The following TBC1D5 variants were observed in gnomAD, a reference collection of about 807,000 sequenced individuals.
TBC1D5 encodes the protein TBC1 domain family, member 5.
A neutral mutation model predicts 100.3 loss-of-function variants in TBC1D5; 75 were observed. The observed-to-expected ratio is 0.75, with a 90% CI of 0.62 to 0.91. TBC1D5 has a LOEUF of 0.91. TBC1D5 is among the 40% of genes least tolerant of loss of function. The pLI, the probability that TBC1D5 is intolerant of heterozygous loss-of-function variation, is 0.00. For synonymous variants in TBC1D5, 323 were observed against 325.6 expected (o/e 0.99, Z 0.09); for missense variants, 910 against 942.4 (o/e 0.97, Z 0.45).
intron 9 of TBC1D5, among the ~76,000 whole-genome samples, chr3:17,380,379 T>G (rs747394851): frequency 1.3e-5 from 2 of 152,046 alleles, no homozygotes; most frequent in Non-Finnish European, 2.9e-5. Context: ...TTGAGATTTT[T>G]GGTTTTGCTA....
chr3:17,373,165 A>G (rs901330558), intron 12 of TBC1D5, among the ~76,000 whole-genome samples: 1 of 152,196 alleles, frequency 6.6e-6, no homozygotes, highest in Non-Finnish European at 1.5e-5. Flanking sequence ...CTCTTAACTC[A>G]TAAGATGTAT....
chr3:17,639,227 G>A (rs544113422), intron 1 of TBC1D5, among the ~76,000 whole-genome samples: 1 of 152,162 alleles, frequency 6.6e-6, no homozygotes, highest in Admixed American at 6.5e-5. Flanking sequence ...CTACAAAATA[G>A]ACAAACTTCA....
intron 1 of TBC1D5, among the ~76,000 whole-genome samples, chr3:17,683,913 A>C (rs1439042352): frequency 6.6e-6 from 1 of 152,154 alleles, no homozygotes; most frequent in Non-Finnish European, 1.5e-5. Flanking sequence ...AGTCCTAAAA[A>C]GTTATTTTGA....
chr3:17,662,151 C>G (rs1190743935), intron 1 of TBC1D5, among the ~76,000 whole-genome samples: 2 of 152,156 alleles, frequency 1.3e-5, no homozygotes, highest in Non-Finnish European at 2.9e-5. Context: ...CCTTGGCATC[C>G]CAAAGCACTG....
At chr3:17,541,448 G>A (rs1319355206) in intron 2 of TBC1D5, among the ~76,000 whole-genome samples, 1 of 151,740 alleles carries the variant, frequency 6.6e-6, no homozygotes, top group African/African-American at 2.4e-5. Flanking sequence ...TTTTTTTGAT[G>A]CTATTGTAAA....
chr3:17,573,457 A>G (rs1474555075), intron 2 of TBC1D5, among the ~76,000 whole-genome samples: 1 of 152,074 alleles, frequency 6.6e-6, no homozygotes, highest in East Asian at 1.9e-4. Flanking sequence ...TAGCACTGCA[A>G]TTTGAAACTA....
exon 6 of TBC1D5, chr3:17,404,892 A>G (rs1234149497): frequency 1.3e-6 from 2 of 1,597,296 alleles, no homozygotes; most frequent in Admixed American, 1.7e-5. Flanking sequence ...ATGTTGCTAT[A>G]CCATGCTCTT....
chr3:17,537,471 GT>G (rs1260850177), intron 2 of TBC1D5, among the ~76,000 whole-genome samples: 1 of 152,126 alleles, frequency 6.6e-6, no homozygotes, highest in Non-Finnish European at 1.5e-5. Context: ...CCTGAGGCCA[GT>G]TTTTCTTGGC....
At chr3:17,485,370 C>T (rs1376581967) in intron 3 of TBC1D5, among the ~76,000 whole-genome samples, 5 of 151,078 alleles carry the variant, frequency 3.3e-5, no homozygotes, top group Admixed American at 3.3e-4. Context: ...TTTTAGGGTA[C>T]ATGTGCACAA....
intron 17 of TBC1D5, among the ~76,000 whole-genome samples, chr3:17,216,302 T>C (rs1163847115): frequency 6.6e-6 from 1 of 152,140 alleles, no homozygotes; most frequent in African/African-American, 2.4e-5. Context: ...ATAAATGGTC[T>C]ACCCATTTCC....
At chr3:17,573,165 C>G (rs1202903703) in intron 2 of TBC1D5, among the ~76,000 whole-genome samples, 3 of 152,018 alleles carry the variant, frequency 2.0e-5, no homozygotes, top group African/African-American at 7.2e-5. Context: ...CTTGTATTCT[C>G]TTGTAGGGAT....
intron 16 of TBC1D5, among the ~76,000 whole-genome samples, chr3:17,239,311 C>T (rs2076122430): frequency 6.6e-6 from 1 of 152,172 alleles, no homozygotes; most frequent in Non-Finnish European, 1.5e-5. Context: ...TTTCCTCTGA[C>T]TTTCAGAGGT....
intron 3 of TBC1D5, among the ~76,000 whole-genome samples, chr3:17,435,265 AT>A (rs200718615): frequency 0.016 from 2,507 of 152,216 alleles, 52 homozygotes; most frequent in South Asian, 0.047. Flanking sequence ...TCTCTTCCAC[AT>A]TTTTGGGTAT....
intron 3 of TBC1D5, among the ~76,000 whole-genome samples, chr3:17,436,816 T>C (rs1409891406): frequency 6.6e-6 from 1 of 152,178 alleles, no homozygotes; most frequent in Admixed American, 6.5e-5. Context: ...ATTACACATA[T>C]AGCAATAACA....
intron 3 of TBC1D5, among the ~76,000 whole-genome samples, chr3:17,429,699 T>C (rs1273943024): frequency 2.0e-5 from 3 of 151,954 alleles, no homozygotes; most frequent in African/African-American, 7.2e-5. Flanking sequence ...ATAATTATGC[T>C]ACTCATTAAA....
chr3:17,557,202 T>A (rs984127690), intron 2 of TBC1D5, among the ~76,000 whole-genome samples: 1 of 152,110 alleles, frequency 6.6e-6, no homozygotes, highest in Non-Finnish European at 1.5e-5. Context: ...TAATAAAAAT[T>A]AAGAAATTTT....
intron 18 of TBC1D5, among the ~76,000 whole-genome samples, chr3:17,196,113 C>T (rs890658455): frequency 1.3e-5 from 2 of 152,180 alleles, no homozygotes; most frequent in Non-Finnish European, 2.9e-5. Context: ...ACAGAAGATA[C>T]AGTGACAAGC....
rs180813255 is a variant in TBC1D5, at chr3:17,279,656, G to T, written c.1245+12239C>A. Among the ~76,000 whole-genome samples, 455 of 152,136 alleles carry T rather than the reference G, an allele frequency of 3.0e-3. 4 individuals are homozygous for T. Among genetic ancestry groups the T allele is most frequent in the African/African-American group, 0.01 (431 of 41,492 alleles). ...GAGTCTAGGCTTCTGGTTTTTTTAG[G>T]TGTTTGGCTTTCAATCTGTGTAGTA... On this transcript the variant is annotated intron_variant, in intron 15 of 21. Coordinates refer to ENST00000253692, the Ensembl canonical transcript of TBC1D5.
chr3:17,569,197 AC>A (rs1269039967), intron 2 of TBC1D5, among the ~76,000 whole-genome samples: 1 of 151,848 alleles, frequency 6.6e-6, no homozygotes, highest in Non-Finnish European at 1.5e-5. Flanking sequence ...AAAGATAAAA[AC>A]CCAATCCTAA....
Sources: gnomAD v4.1 joint callset for allele counts (sites outside exome capture counted in the v4.1 genomes callset) on GRCh38, gnomAD v4.1.1 for gene constraint, MANE v1.5 for transcripts, NCBI Gene and HGNC (gene_info 2026-07-23, HGNC 2026-07-21) for gene names.